The following CTNNA3 variants were observed in gnomAD, a reference collection of about 807,000 sequenced individuals.
CTNNA3 encodes the protein catenin alpha-3.
Under a neutral mutation model 95.7 loss-of-function variants are expected in CTNNA3, and 76 were observed. The ratio of observed to expected loss-of-function variants is 0.79; its 90% confidence interval spans 0.66 to 0.96. CTNNA3 has a LOEUF of 0.96. CTNNA3 is among the 40% of genes least tolerant of loss of function. The pLI is 0.00. For missense variants in CTNNA3, 1,191 were observed against 1,089.8 expected (o/e 1.09, Z -1.31); for synonymous variants, 431 against 374.4 (o/e 1.15, Z -1.74).
chr10:66,736,079 G>A (rs1185266668), intron 9 of CTNNA3, among the ~76,000 whole-genome samples: 1 of 152,252 alleles, frequency 6.6e-6, no homozygotes, highest in East Asian at 1.9e-4. Context: ...GAGCCACAGC[G>A]CCCAACAACG....
At chr10:66,309,685 C>CAAAAAAAAAA (rs60400266) in intron 12 of CTNNA3, among the ~76,000 whole-genome samples, 11 of 41,778 alleles carry the variant, frequency 2.6e-4, no homozygotes, top group Admixed American at 8.0e-4. Context: ...GACTCCGTCT[C>CAAAAAAAAAA]AAAAAAAAAA....
In CTNNA3 at chr10:67,490,069, A is replaced by G. The variant is rs186553496; in HGVS notation, c.579+31773T>C. ...TTTTCCCACTGGTCATAAATTTTGAAGGCCCTAATTTGCTTTCCATTGCCC... is the reference window on the plus strand; with the variant it reads ...TTTTCCCACTGGTCATAAATTTTGAGGGCCCTAATTTGCTTTCCATTGCCC... On this transcript the variant is annotated intron_variant, in intron 5 of 17. Coordinates refer to ENST00000433211, the MANE Select transcript of CTNNA3 (RefSeq NM_013266.4). 8.3e-4 allele frequency among the ~76,000 whole-genome samples: 126 copies of G among 152,262 alleles called. 1 individual carries two copies. The highest frequency in any genetic ancestry group is 3.0e-3 in the African/African-American group (123 of 41,562).
At chr10:66,957,415 C>CGTGTATATATATGCATAT (rs1848865147) in intron 7 of CTNNA3, among the ~76,000 whole-genome samples, 1 of 32,526 alleles carries the variant, frequency 3.1e-5, no homozygotes. Context: ...TATATATATG[C>CGTGTATATATATGCATAT]ATATATATAT....
rs142831579 is a variant in CTNNA3, at chr10:66,565,589, A to G, written c.1375-44816T>C. Among the ~76,000 whole-genome samples the G allele has an allele frequency of 7.2e-5, 11 of 152,194 alleles. No homozygotes were observed. In the East Asian group the frequency reaches 1.9e-3, roughly 27 times the overall value. ...AAACCTGAGGCAGAGGGTGAGGAAA[A>G]CTCACAGCAGGTTGAAGGATGGCAG... On this transcript the variant is annotated intron_variant, in intron 10 of 17. Transcript: ENST00000433211.
At chr10:67,391,517 C>G (rs1471465666) in intron 5 of CTNNA3, among the ~76,000 whole-genome samples, 1 of 151,982 alleles carries the variant, frequency 6.6e-6, no homozygotes, top group Admixed American at 6.6e-5. Flanking sequence ...CCCCATCAAG[C>G]TACCAATGCC....
At chr10:66,133,897 A>G (rs2083237136) in intron 13 of CTNNA3, among the ~76,000 whole-genome samples, 1 of 45,656 alleles carries the variant, frequency 2.2e-5, no homozygotes, top group Non-Finnish European at 4.1e-5. Flanking sequence ...TTAAAAATCT[A>G]ACTTAATAGA....
intron 12 of CTNNA3, among the ~76,000 whole-genome samples, chr10:66,290,078 T>C (rs1198972586): frequency 2.6e-5 from 4 of 151,702 alleles, no homozygotes; most frequent in Non-Finnish European, 4.4e-5. Flanking sequence ...GCTAGGTGGG[T>C]GGATAAAAGG....
intron 1 of CTNNA3, among the ~76,000 whole-genome samples, chr10:67,655,261 T>C (rs1839988942): frequency 6.6e-6 from 1 of 152,228 alleles, no homozygotes; most frequent in Non-Finnish European, 1.5e-5. Context: ...AAAGTATCTT[T>C]GGGCTTCATG....
intron 5 of CTNNA3, among the ~76,000 whole-genome samples, chr10:67,518,606 G>T (rs1241549995): frequency 6.6e-6 from 1 of 152,086 alleles, no homozygotes; most frequent in African/African-American, 2.4e-5. Context: ...GACTTCAGAA[G>T]CCTCTGGAAA....
At chr10:66,934,322 TTCTC>T (rs1847572571) in intron 7 of CTNNA3, among the ~76,000 whole-genome samples, 1 of 152,166 alleles carries the variant, frequency 6.6e-6, no homozygotes, top group South Asian at 2.1e-4. Context: ...CATTTATCCT[TTCTC>T]TCACTCTTAA....
At chr10:65,960,214 C>T (rs2133237092) in intron 17 of CTNNA3, among the ~76,000 whole-genome samples, 1 of 152,166 alleles carries the variant, frequency 6.6e-6, no homozygotes, top group African/African-American at 2.4e-5. Context: ...TTAAGTTAGA[C>T]TAAATCAATT....
chr10:67,328,880 T>C (rs1356617922), intron 5 of CTNNA3, among the ~76,000 whole-genome samples: 2 of 152,216 alleles, frequency 1.3e-5, no homozygotes, highest in Non-Finnish European at 2.9e-5. Context: ...ATAGGACTTA[T>C]TTGGTTTTGA....
intron 11 of CTNNA3, among the ~76,000 whole-genome samples, chr10:66,406,809 T>C (rs1352469632): frequency 6.6e-6 from 1 of 152,150 alleles, no homozygotes; most frequent in Non-Finnish European, 1.5e-5. Context: ...TATAATTATG[T>C]CATTATAAGA....
At chr10:67,188,840 C>T (rs560558424) in intron 6 of CTNNA3, among the ~76,000 whole-genome samples, 18 of 152,076 alleles carry the variant, frequency 1.2e-4, no homozygotes, top group African/African-American at 2.7e-4. Context: ...CAGGGTGCAA[C>T]GAGTCATGCC....
At chr10:67,376,526 G>A (rs530952086) in intron 5 of CTNNA3, among the ~76,000 whole-genome samples, 2 of 152,296 alleles carry the variant, frequency 1.3e-5, no homozygotes, top group South Asian at 2.1e-4. Context: ...GAATAGGTGC[G>A]TAAGGACTAC....
chr10:66,185,070 A>T (rs1027835531), intron 13 of CTNNA3, among the ~76,000 whole-genome samples: 3 of 152,224 alleles, frequency 2.0e-5, no homozygotes, highest in African/African-American at 7.2e-5. Flanking sequence ...ACTCACCACT[A>T]GCATAGCTAT....
Position 66,346,755 on chromosome 10 carries a change from G to A in CTNNA3, c.1732+32397C>T, listed in dbSNP as rs375596991. Among the ~76,000 whole-genome samples the A allele has an allele frequency of 4.5e-4, 69 of 152,128 alleles. 1 individual carries two copies. In the South Asian group the frequency reaches 0.014, roughly 31 times the overall value. On this transcript the variant is annotated intron_variant, in intron 12 of 17. Transcript: ENST00000433211. ...TACTTAATTACCTAATAACTTACAT[G>A]AAACGTTATTTTTATCACATTTCTG...
intron 13 of CTNNA3, among the ~76,000 whole-genome samples, chr10:66,125,892 T>C (rs1284237419): frequency 2.6e-5 from 4 of 152,202 alleles, no homozygotes; most frequent in African/African-American, 9.6e-5. Flanking sequence ...CTTTTTTGAC[T>C]GGTAAATCAA....
intron 10 of CTNNA3, among the ~76,000 whole-genome samples, chr10:66,572,332 A>C (rs1842893237): frequency 6.6e-6 from 1 of 151,880 alleles, no homozygotes; most frequent in African/African-American, 2.4e-5. Context: ...ACAGTGAGCC[A>C]AGATCGCACC....
Sources: allele counts gnomAD v4.1 joint callset (sites outside exome capture counted in the v4.1 genomes callset), GRCh38; gene constraint gnomAD v4.1.1; transcripts MANE v1.5; gene names NCBI Gene and HGNC (gene_info 2026-07-23, HGNC 2026-07-21).